Variants in PCNT observed in about 807,000 individuals in gnomAD.
PCNT encodes the protein kendrin.
In PCNT, 319 loss-of-function variants were observed where a neutral mutation model predicts 380.4. The observed-to-expected ratio is 0.84, with a 90% confidence interval of 0.77 to 0.92. The LOEUF is 0.92. Ranked by LOEUF, PCNT falls within the 40% of genes least tolerant of loss-of-function variation. The pLI, the probability that PCNT is intolerant of heterozygous loss-of-function variation, is 0.00. For synonymous variants in PCNT, 1,845 were observed against 1,735.2 expected, an observed-to-expected ratio of 1.06 and a Z score of -1.57; for missense variants, 4,400 against 4,255.3, an observed-to-expected ratio of 1.03 and a Z score of -0.95.
chr21:46,416,031 A>G (rs1400796293), intron 29 of PCNT, 38 bp from the exon 30 acceptor site: 1 of 1,610,142 alleles, frequency 6.2e-7, no homozygotes, highest in South Asian at 1.1e-5. Context: ...CTGGTGAGCC[A>G]GGTATTCCAC....
chr21:46,404,354 A>G (rs1190180418), intron 27 of PCNT, among the ~76,000 whole-genome samples: 2 of 147,746 alleles, frequency 1.4e-5, no homozygotes, highest in Non-Finnish European at 3.0e-5. Context: ...TTCCCTATTA[A>G]GGTTCTGTCG....
chr21:46,366,903 T>C lies in PCNT; in HGVS notation c.2929T>C (p.Ser977Pro), dbSNP rs748227019. Residue 977 changes from serine (S) to proline (P), a missense_variant, in exon 15 of 47, where the codon TCT becomes CCT. Transcript: ENST00000359568. ...SLDSLESCYL[S>P]EFQTIREEHR... ...TGATTCTTTGGAATCCTGTTACCTC[T>C]CTGAATTTCAGACCATCCGTGAGGA... 32 of 1,614,108 alleles carry C rather than the reference T, an allele frequency of 2.0e-5. No individual in the cohort carries two copies. The highest frequency in any genetic ancestry group is 2.7e-5 in the African/African-American group (2 of 74,950).
rs1349644004 is a variant in PCNT at position 46,346,110 on chromosome 21, T to G, written c.640-18T>G. ...TCATGTGAATTCTGGACCTACATTC[T>G]TTGCCTTTTTTCCCCAGGAGTGTGA... is the stretch of plus-strand genomic sequence containing the variant. On this transcript the variant is annotated intron_variant, in intron 3 of 46. Transcript: ENST00000359568. 1.5e-5 allele frequency: 24 copies of G among 1,612,796 alleles called. No individual in the cohort carries two copies. The highest frequency in any genetic ancestry group is 2.0e-5 in the Non-Finnish European group (24 of 1,178,864).
intron 3 of PCNT, among the ~76,000 whole-genome samples, chr21:46,336,898 T>C (rs2083756229): frequency 2.0e-5 from 3 of 152,178 alleles, no homozygotes; most frequent in Admixed American, 6.5e-5. Flanking sequence ...CCCAGGTTTA[T>C]TTGCAGTTTC....
chr21:46,441,099 G>A lies in PCNT; in HGVS notation c.9623+15G>A, dbSNP rs565807815. On this transcript the variant is annotated intron_variant, in intron 43 of 46. Coordinates refer to ENST00000359568, the MANE Select transcript of PCNT (RefSeq NM_006031.6). ...GCAATATTAAGGTAAATGCCATGAC[G>A]TTCAGTCAGTGCGTTCCGCGTCTGT... 28 of 1,492,242 alleles carry A rather than the reference G, an allele frequency of 1.9e-5. No individual in the cohort carries two copies. The highest frequency in any genetic ancestry group is 2.7e-5 in the African/African-American group (2 of 72,738). The allele number at this position is 1,492,242 out of a possible 1,614,324, so 92.4% of individuals were successfully genotyped here. A position where few individuals can be genotyped will look rare whatever the true frequency, so the allele number is the denominator to read the frequency against.
In PCNT at chr21:46,391,759, A is replaced by G. The variant is rs139630228; in HGVS notation, c.4216+383A>G. 3.9e-5 allele frequency among the ~76,000 whole-genome samples: 6 copies of G among 152,384 alleles called. No individual in the cohort carries two copies. The East Asian group carries it at 1.2e-3, about 29-fold the overall frequency. ...ATATTAACCCTCATTAGGAAAACAT[A>G]GTGTTAACAATATTAGTTTGTATCT... is the stretch of plus-strand genomic sequence containing the variant. On this transcript the variant is annotated intron_variant, in intron 21 of 46. Coordinates refer to ENST00000359568, the MANE Select transcript of PCNT (RefSeq NM_006031.6).
At chr21:46,393,953 G>A (rs931462081) in intron 21 of PCNT, among the ~76,000 whole-genome samples, 1 of 152,198 alleles carries the variant, frequency 6.6e-6, no homozygotes, top group Non-Finnish European at 1.5e-5. Flanking sequence ...CTGGCATGCC[G>A]GGAGTGGATC....
chr21:46,422,240 C>A, intron 32 of PCNT, 116 bp downstream of exon 32: 1 of 1,264,028 alleles, frequency 7.9e-7, no homozygotes, highest in Non-Finnish European at 1.1e-6. Context: ...TTCCTGGGTG[C>A]CTCTGAGCAC....
Position 46,366,650 on chromosome 21 carries a change from G to C in PCNT, c.2676G>C (p.Glu892Asp). The change falls in exon 15 of 47, where the codon GAG becomes GAC. Residue 892 changes from glutamate (E) to aspartate (D), a missense_variant. Transcript: ENST00000359568. Reference protein sequence around the residue: ...FSAEQDAFLQEAQEQHARELQ... With the variant: ...FSAEQDAFLQDAQEQHARELQ... Reference sequence around the variant, plus strand: ...CGGAACAAGATGCCTTCCTGCAGGAGGCCCAGGAGCAGCATGCCCGTGAGC... The same window carrying C: ...CGGAACAAGATGCCTTCCTGCAGGACGCCCAGGAGCAGCATGCCCGTGAGC... 2.5e-6 allele frequency: 4 copies of C among 1,613,966 alleles called. No homozygotes were observed. The South Asian group carries it at 4.4e-5, about 18-fold the overall frequency.
intron 31 of PCNT, among the ~76,000 whole-genome samples, chr21:46,418,508 G>T (rs2087119535): frequency 6.6e-6 from 1 of 152,198 alleles, no homozygotes; most frequent in Non-Finnish European, 1.5e-5. Flanking sequence ...AGCCAAGGTT[G>T]CTGGCCCGGG....
In PCNT at chr21:46,356,053, C is replaced by A. The variant is rs1389726672; in HGVS notation, c.1936+427C>A. The stretch of plus-strand genomic sequence containing the variant: ...AAGGTTGTGGGATGTCCAGGCAGGG[C>A]ACGGGGCACAGGGCTGTGGGGTCAG... On this transcript the variant is annotated intron_variant, in intron 12 of 46. Coordinates refer to ENST00000359568, the MANE Select transcript of PCNT (RefSeq NM_006031.6). Among the ~76,000 whole-genome samples, 3 of 152,326 alleles carry A rather than the reference C, an allele frequency of 2.0e-5. No individual in the cohort carries two copies. The East Asian group carries it at 5.8e-4, about 29-fold the overall frequency.
rs549079487 is a variant in PCNT, at chr21:46,400,555, G to A, written c.4791+759G>A. Among the ~76,000 whole-genome samples the A allele has an allele frequency of 7.8e-5, 9 of 114,654 alleles. No homozygotes were observed. The South Asian group carries it at 2.5e-3, about 32-fold the overall frequency. 75.2% of individuals were successfully genotyped at this position (114,654 alleles called of 152,430 possible). A position where few individuals can be genotyped will look rare whatever the true frequency, so the allele number is the denominator to read the frequency against. On this transcript the variant is annotated intron_variant, in intron 25 of 46. Coordinates refer to ENST00000359568, the MANE Select transcript of PCNT (RefSeq NM_006031.6). Reference sequence around the variant, plus strand: ...TTTTTTTGAGACAGAGTCTTGTTCTGTCACCCAGGCTGGAGTGCAGTGGCG... The same window carrying A: ...TTTTTTTGAGACAGAGTCTTGTTCTATCACCCAGGCTGGAGTGCAGTGGCG...
At chr21:46,375,672 G>A (rs1171600576) in intron 15 of PCNT, among the ~76,000 whole-genome samples, 1 of 152,174 alleles carries the variant, frequency 6.6e-6, no homozygotes, top group Non-Finnish European at 1.5e-5. Context: ...CCGAGCCGAG[G>A]CCCTGGGCCT....
intron 3 of PCNT, among the ~76,000 whole-genome samples, chr21:46,343,904 A>T (rs565013630): frequency 2.0e-5 from 3 of 152,136 alleles, no homozygotes; most frequent in Non-Finnish European, 4.4e-5. Context: ...GTTTGTGCAC[A>T]TAAAGGTGTT....
At chr21:46,379,777 A>G (rs1335337306) in intron 15 of PCNT, among the ~76,000 whole-genome samples, 2 of 152,092 alleles carry the variant, frequency 1.3e-5, no homozygotes, top group Admixed American at 1.3e-4. Flanking sequence ...CCAGATGTCA[A>G]GGGAGCTCTA....
chr21:46,421,794 G>A (rs1384631169), intron 31 of PCNT, among the ~76,000 whole-genome samples, 176 bp from the exon 32 acceptor site: 1 of 152,216 alleles, frequency 6.6e-6, no homozygotes, highest in Non-Finnish European at 1.5e-5. Context: ...TCTCACCAGG[G>A]TTATGTTTTT....
At chr21:46,341,039 A>T (rs1184664973) in intron 3 of PCNT, among the ~76,000 whole-genome samples, 1 of 146,268 alleles carries the variant, frequency 6.8e-6, no homozygotes, top group African/African-American at 2.6e-5. Context: ...GTGTGCCACC[A>T]TATCCGGCTG....
intron 2 of PCNT, among the ~76,000 whole-genome samples, chr21:46,327,120 G>A (rs2083420210): frequency 6.6e-6 from 1 of 151,380 alleles, no homozygotes; most frequent in Non-Finnish European, 1.5e-5. Context: ...GAGTGCAGTG[G>A]CGCGATCTCG....
intron 31 of PCNT, among the ~76,000 whole-genome samples, 189 bp from the exon 32 acceptor site, chr21:46,421,781 C>G (rs1445335063): frequency 3.9e-5 from 6 of 152,226 alleles, no homozygotes; most frequent in African/African-American, 1.4e-4. Flanking sequence ...TGACGTGCGT[C>G]TTTCTCACCA....
Sources: gnomAD v4.1 joint callset for allele counts (sites outside exome capture counted in the v4.1 genomes callset) on GRCh38, gnomAD v4.1.1 for gene constraint, MANE v1.5 for transcripts, NCBI Gene and HGNC (gene_info 2026-07-23, HGNC 2026-07-21) for gene names.